PTPRM: variants seen among roughly 807,000 people sequenced by gnomAD.
The protein encoded by PTPRM is protein tyrosine phosphatase receptor type M.
Under a neutral mutation model 186.7 loss-of-function variants are expected in PTPRM, and 47 were observed. That is an observed-to-expected ratio of 0.25 (90% CI 0.20 to 0.32). PTPRM has a LOEUF of 0.32. Ranked by LOEUF, PTPRM falls within the 10% of genes least tolerant of loss-of-function variation. The probability of loss-of-function intolerance (pLI) is 1.00; values close to 1 mark genes in which losing one functional copy is unlikely to be tolerated. For missense variants in PTPRM, 1,494 were observed against 1,865.0 expected (o/e 0.80, Z 3.66); for synonymous variants, 668 against 674.9 (o/e 0.99, Z 0.16).
At position 8,123,967 on chromosome 18, in the gene PTPRM, C is replaced by G. The variant is rs568025941; in HGVS notation, c.2167+9140C>G. Among the ~76,000 whole-genome samples, 9 of 152,274 alleles carry G rather than the reference C, an allele frequency of 5.9e-5. 1 individual carries two copies. Among genetic ancestry groups the G allele is most frequent in the African/African-American group, 2.2e-4 (9 of 41,556 alleles). On this transcript the variant is annotated intron_variant, in intron 13 of 32. Transcript: ENST00000580170. ...AACTTCAGATGAAGCATGCTGTTTA[C>G]TAGGAATGAAGTAAGCGAGGCTTCT... is the stretch of plus-strand genomic sequence containing the variant.
chr18:7,875,728 T>C (rs1030008349), intron 2 of PTPRM, among the ~76,000 whole-genome samples: 2 of 152,222 alleles, frequency 1.3e-5, no homozygotes, highest in Non-Finnish European at 2.9e-5. Context: ...CCTTTCTCTC[T>C]ATCCCGGTCA....
chr18:7,587,832 A>G (rs758845287), intron 1 of PTPRM, among the ~76,000 whole-genome samples: 9 of 152,152 alleles, frequency 5.9e-5, no homozygotes, highest in Admixed American at 3.3e-4. Context: ...TTCCATCGCA[A>G]AGCAGTTCTC....
At chr18:8,037,082 C>G (rs1195303246) in intron 7 of PTPRM, among the ~76,000 whole-genome samples, 1 of 152,146 alleles carries the variant, frequency 6.6e-6, no homozygotes, top group Non-Finnish European at 1.5e-5. Context: ...ACAGAATGAT[C>G]TGGTGTTGTT....
At chr18:7,988,861 T>C (rs1379951884) in intron 7 of PTPRM, among the ~76,000 whole-genome samples, 1 of 152,176 alleles carries the variant, frequency 6.6e-6, no homozygotes, top group African/African-American at 2.4e-5. Flanking sequence ...TGAATAATGC[T>C]ACTATGAACA....
chr18:7,888,415 C>T (rs2048894977), intron 3 of PTPRM, 38 bp downstream of exon 3: 1 of 1,521,086 alleles, frequency 6.6e-7, no homozygotes, highest in Non-Finnish European at 8.8e-7. Flanking sequence ...TTGAAGCATC[C>T]TCTAATTTCT....
chr18:7,690,692 T>C (rs557055164), intron 1 of PTPRM, among the ~76,000 whole-genome samples: 1 of 152,328 alleles, frequency 6.6e-6, no homozygotes, highest in Admixed American at 6.5e-5. Context: ...CATATATAAA[T>C]TGAAGAATGT....
chr18:7,596,179 G>A (rs1419319762), intron 1 of PTPRM, among the ~76,000 whole-genome samples: 1 of 152,108 alleles, frequency 6.6e-6, no homozygotes, highest in Non-Finnish European at 1.5e-5. Context: ...CTTGAGCACA[G>A]GCACTGTCAT....
intron 6 of PTPRM, among the ~76,000 whole-genome samples, chr18:7,953,616 G>T (rs78306911): frequency 0.022 from 3,283 of 152,226 alleles, 46 homozygotes; most frequent in African/African-American, 0.044. Context: ...CCCAGCAATT[G>T]TAAAAAGTCA....
intron 14 of PTPRM, among the ~76,000 whole-genome samples, chr18:8,165,031 C>T (rs1439514153): frequency 4.0e-5 from 6 of 151,768 alleles, no homozygotes; most frequent in Admixed American, 6.6e-5. Context: ...TAGCTGAGTA[C>T]GGTGGCACAC....
chr18:8,319,989 C>T (rs865890882), intron 22 of PTPRM, among the ~76,000 whole-genome samples: 4 of 151,724 alleles, frequency 2.6e-5, no homozygotes, highest in South Asian at 2.1e-4. Flanking sequence ...CATGAGGGAG[C>T]GAGGTTTTAG....
intron 2 of PTPRM, among the ~76,000 whole-genome samples, chr18:7,822,065 A>G (rs559182102): frequency 7.9e-5 from 12 of 152,350 alleles, no homozygotes; most frequent in African/African-American, 2.9e-4. Flanking sequence ...AACTCCAAAT[A>G]TAGTTCTACT....
chr18:7,721,748 C>T (rs1252840330), intron 1 of PTPRM, among the ~76,000 whole-genome samples: 1 of 152,142 alleles, frequency 6.6e-6, no homozygotes, highest in Non-Finnish European at 1.5e-5. Flanking sequence ...TCAGAAATTA[C>T]TCAATCATAT....
At chr18:8,103,554 A>T (rs1204371936) in intron 11 of PTPRM, among the ~76,000 whole-genome samples, 2 of 152,228 alleles carry the variant, frequency 1.3e-5, no homozygotes, top group Non-Finnish European at 2.9e-5. Context: ...AGAATTGAAG[A>T]AAGTTAGGGT....
chr18:7,922,265 C>T (rs1234395799), intron 4 of PTPRM, among the ~76,000 whole-genome samples: 1 of 152,186 alleles, frequency 6.6e-6, no homozygotes, highest in Non-Finnish European at 1.5e-5. Context: ...TGAGGTGCTG[C>T]TTAACAGCCA....
intron 9 of PTPRM, among the ~76,000 whole-genome samples, chr18:8,084,334 TCATACAGCGGTTA>T (rs1281398302): frequency 2.0e-5 from 3 of 152,158 alleles, no homozygotes; most frequent in African/African-American, 2.4e-5. Context: ...GACCAAGTAA[TCATACAGCGGTTA>T]CATCGCTGAC....
chr18:8,085,966 A>G, intron 10 of PTPRM, 94 bp downstream of exon 10: 1 of 1,209,200 alleles, frequency 8.3e-7, no homozygotes, highest in Admixed American at 1.8e-5. Flanking sequence ...CGCCCACACT[A>G]ACATTGTATC....
At chr18:7,838,485 C>G (rs1448798337) in intron 2 of PTPRM, among the ~76,000 whole-genome samples, 1 of 152,228 alleles carries the variant, frequency 6.6e-6, no homozygotes, top group African/African-American at 2.4e-5. Flanking sequence ...TAGAGAGACT[C>G]TTGTTCTCTT....
At chr18:7,860,460 A>G (rs2047318671) in intron 2 of PTPRM, among the ~76,000 whole-genome samples, 1 of 152,126 alleles carries the variant, frequency 6.6e-6, no homozygotes, top group South Asian at 2.1e-4. Context: ...GTGAGGGAAG[A>G]GTGCAGGGGG....
At chr18:8,140,613 A>G (rs1377717676) in intron 13 of PTPRM, among the ~76,000 whole-genome samples, 1 of 152,050 alleles carries the variant, frequency 6.6e-6, no homozygotes, top group African/African-American at 2.4e-5. Flanking sequence ...ATTATGCTCT[A>G]TGATTTTAGC....
Sources: allele counts gnomAD v4.1 joint callset (sites outside exome capture counted in the v4.1 genomes callset), GRCh38; gene constraint gnomAD v4.1.1; transcripts MANE v1.5; gene names NCBI Gene and HGNC (gene_info 2026-07-23, HGNC 2026-07-21).